Variants in MLST8 observed in about 807,000 individuals in gnomAD.
MLST8 encodes the protein target of rapamycin complex subunit LST8.
In MLST8, 20 loss-of-function variants were observed where a neutral mutation model predicts 41.3. The ratio of observed to expected loss-of-function variants is 0.48; its 90% CI spans 0.34 to 0.70. MLST8 has a LOEUF of 0.70. MLST8 is among the 30% of genes least tolerant of loss of function. The pLI, the probability that MLST8 is intolerant of heterozygous loss-of-function variation, is 0.01. For missense variants in MLST8, 422 were observed against 454.3 expected, an observed-to-expected ratio of 0.93 and a Z score of 0.65; for synonymous variants, 243 against 183.0, an observed-to-expected ratio of 1.33 and a Z score of -2.65.
intron 8 of MLST8, 71 bp downstream of exon 8, chr16:2,208,684 G>A (rs762713197): frequency 6.2e-7 from 1 of 1,612,820 alleles, no homozygotes; most frequent in African/African-American, 1.3e-5. Flanking sequence ...CACCTCGGCT[G>A]CAGCTTCCCC....
At chr16:2,205,651 C>A in intron 1 of MLST8, 139 bp downstream of exon 1, 4 of 985,636 alleles carry the variant, frequency 4.1e-6, no homozygotes, top group South Asian at 4.6e-5. Flanking sequence ...CCAGACTGCG[C>A]CCTTTCCCAT....
intron 1 of MLST8, 145 bp from the exon 2 acceptor site, chr16:2,205,886 T>C: frequency 1.4e-6 from 2 of 1,389,794 alleles, no homozygotes; most frequent in Non-Finnish European, 1.9e-6. Context: ...GTATCACGCG[T>C]GTGACGCGTG....
chr16:2,209,187 G>A lies in MLST8; in HGVS notation c.*310G>A. 1.5e-6 allele frequency: 1 copy of A among 688,114 alleles called. No homozygotes were observed. The highest frequency in any genetic ancestry group is 2.4e-6 in the Non-Finnish European group (1 of 414,044). The allele number at this position is 688,114 out of a possible 1,614,324, so 42.6% of individuals were successfully genotyped here. On this transcript the variant is annotated 3_prime_UTR_variant, in exon 9 of 9. Transcript: ENST00000569417. Reference sequence around the variant, plus strand: ...GAGGCTGGTGCCCACCCCCAAGCTAGTGTGTTCTCTGCCCCTCCCTGCCCG... The same window carrying A: ...GAGGCTGGTGCCCACCCCCAAGCTAATGTGTTCTCTGCCCCTCCCTGCCCG...
At position 2,208,600 on chromosome 16, in the gene MLST8, G is replaced by A. The variant is rs1454842564; in HGVS notation, c.849G>A (p.Gln283=). Residue 283 remains glutamine, a synonymous_variant, in exon 8 of 9, where the codon CAG becomes CAA. Transcript: ENST00000569417. ...MWGCAFSGDS[Q]YIVTASSDNL... ...GCTGCGCCTTCTCGGGGGACTCCCAGTACATCGTCACTGGTGAGCCCCGCC... is the reference window on the plus strand; with the variant it reads ...GCTGCGCCTTCTCGGGGGACTCCCAATACATCGTCACTGGTGAGCCCCGCC... 1.2e-6 allele frequency: 2 copies of A among 1,612,326 alleles called. No homozygotes were observed. The highest frequency in any genetic ancestry group is 1.3e-5 in the African/African-American group (1 of 74,910).
Position 2,206,488 on chromosome 16 carries a change from T to TGTCC in MLST8, c.182-8_182-5dup. 6.2e-7 allele frequency: 1 copy of TGTCC among 1,611,076 alleles called. No homozygotes were observed. The highest frequency in any genetic ancestry group is 8.5e-7 in the Non-Finnish European group (1 of 1,177,396). Reference sequence around the variant, plus strand: ...CACAGCCAAGCTTCAGTTCAGCCTGTGTCCCTAGGTTACCAGCACATCCGC... The same window carrying TGTCC: ...CACAGCCAAGCTTCAGTTCAGCCTGTGTCCGTCCCTAGGTTACCAGCACATCCGC... On this transcript the variant is annotated splice_polypyrimidine_tract_variant and intron_variant, in intron 3 of 8. Coordinates refer to ENST00000569417, the MANE Select transcript of MLST8 (RefSeq NM_022372.6).
intron 6 of MLST8, 198 bp downstream of exon 6, chr16:2,207,543 C>T (rs2093317384): frequency 9.6e-6 from 6 of 624,342 alleles, no homozygotes; most frequent in East Asian, 2.8e-5. Context: ...AGGTCGGTCA[C>T]TCCGCTTTCT....
intron 8 of MLST8, 35 bp from the exon 9 acceptor site, chr16:2,208,724 C>T: frequency 6.2e-7 from 1 of 1,613,714 alleles, no homozygotes; most frequent in Non-Finnish European, 8.5e-7. Flanking sequence ...TGGCCTGCAC[C>T]TGCGCTCTTA....
rs765414917 is a variant in MLST8 at position 2,208,317 on chromosome 16, C to T, written c.681C>T (p.Arg227=). ...ACACGCGCTACGCCCTGCAGTGTCG[C>T]TTCAGCCCCGACTCCACGTGCGTGC... is the stretch of plus-strand genomic sequence containing the variant. The part of the protein sequence containing the change: ...PAHTRYALQC[R]FSPDSTLLAT... Residue 227 remains arginine (R), a synonymous_variant, in exon 7 of 9, where the codon CGC becomes CGT. Coordinates refer to ENST00000569417, the MANE Select transcript of MLST8 (RefSeq NM_022372.6). The T allele has an allele frequency of 5.4e-5, 87 of 1,608,070 alleles. No individual in the cohort carries two copies. The East Asian group carries it at 1.9e-3, about 35-fold the overall frequency.
At position 2,206,055 on chromosome 16, in the gene MLST8, G is replaced by A; in HGVS notation, c.-31G>A. The A allele has an allele frequency of 6.4e-7, 1 of 1,552,344 alleles. No individual in the cohort carries two copies. Among genetic ancestry groups the A allele is most frequent in the Admixed American group, 2.0e-5 (1 of 50,696 alleles). On this transcript the variant is annotated 5_prime_UTR_variant, in exon 2 of 9. Transcript: ENST00000569417. ...GATGCTCTGACCTTTGACCCCTGCC[G>A]TTCAGCTCTAGGGCCCGTGCAGGCC...
rs2093324214 is a variant in MLST8, at chr16:2,207,796, G to A, written c.574-414G>A. On this transcript the variant is annotated intron_variant, in intron 6 of 8. Coordinates refer to ENST00000569417, the MANE Select transcript of MLST8 (RefSeq NM_022372.6). Reference sequence around the variant, plus strand: ...GCTGGCCTCGCCCGTAGGCTGCTGTGGCGTGGCCCCTGCTCTTCTCTCCAG... The same window carrying A: ...GCTGGCCTCGCCCGTAGGCTGCTGTAGCGTGGCCCCTGCTCTTCTCTCCAG... 1.8e-5 allele frequency: 4 copies of A among 227,984 alleles called. No homozygotes were observed. The South Asian group carries it at 3.3e-4, about 19-fold the overall frequency. The allele number at this position is 227,984 out of a possible 1,614,324, so 14.1% of individuals were successfully genotyped here.
In MLST8 at chr16:2,209,396, C is replaced by CAG; in HGVS notation, c.*521_*522dup. 6.2e-7 allele frequency: 1 copy of CAG among 1,613,810 alleles called. No individual in the cohort carries two copies. Among genetic ancestry groups the CAG allele is most frequent in the Non-Finnish European group, 8.5e-7 (1 of 1,179,966 alleles). On this transcript the variant is annotated 3_prime_UTR_variant, in exon 9 of 9. Transcript: ENST00000569417. ...GAGGTAATAAAAGCAGACCGACACG[C>CAG]AGATGTTGCTCGGGAAGCAGATGTC... is the stretch of plus-strand genomic sequence containing the variant.
chr16:2,207,031 GCA>G lies in MLST8; in HGVS notation c.345-3_345-2del. Reference sequence around the variant, plus strand: ...GACAGCATGTGCCCCGGCCCGGCCCGCAGGTCCCGGAACCTGCAGTGCCAGCG... The same window carrying G: ...GACAGCATGTGCCCCGGCCCGGCCCGGGTCCCGGAACCTGCAGTGCCAGCG... On this transcript the variant is annotated splice_acceptor_variant and splice_polypyrimidine_tract_variant and intron_variant, in intron 4 of 8. Transcript: ENST00000569417. LOFTEE classifies it high-confidence loss of function. The G allele has an allele frequency of 6.2e-7, 1 of 1,612,984 alleles. No individual in the cohort carries two copies. Among genetic ancestry groups the G allele is most frequent in the Non-Finnish European group, 8.5e-7 (1 of 1,179,900 alleles).
chr16:2,207,356 G>A lies in MLST8; in HGVS notation c.573+11G>A. ...GCTGTCAATAGCACCGTGAGTCCTG[G>A]TGGCAGGTGCTGGGTGCGGGCAGCT... On this transcript the variant is annotated intron_variant, in intron 6 of 8. Transcript: ENST00000569417. The A allele has an allele frequency of 6.2e-7, 1 of 1,612,614 alleles. No homozygotes were observed. Among genetic ancestry groups the A allele is most frequent in the Non-Finnish European group, 8.5e-7 (1 of 1,178,874 alleles).
At chr16:2,207,160 C>T (rs752477490) in intron 5 of MLST8, 33 bp from the exon 6 acceptor site, 1 of 1,613,248 alleles carries the variant, frequency 6.2e-7, no homozygotes, top group Admixed American at 1.7e-5. Flanking sequence ...GAGGGCTGGG[C>T]TTGGGCCCTG....
chr16:2,206,899 A>G, intron 4 of MLST8, 136 bp from the exon 5 acceptor site: 1 of 1,223,172 alleles, frequency 8.2e-7, no homozygotes, highest in South Asian at 1.3e-5. Context: ...GCTGGAGCAG[A>G]GGGCCCTGCG....
At position 2,207,234 on chromosome 16, in the gene MLST8, C is replaced by A; in HGVS notation, c.462C>A (p.Ile154=). The change falls in exon 6 of 9, where the codon ATC becomes ATA. Residue 154 remains isoleucine (I), a synonymous_variant. Coordinates refer to ENST00000569417, the MANE Select transcript of MLST8 (RefSeq NM_022372.6). ...IVGDQSGAIH[I]WDLKTDHNEQ... ...GTGACCAGAGCGGGGCTATCCACAT[C>A]TGGGACTTGAAAACAGACCACAACG... 2 of 1,614,220 alleles carry A rather than the reference C, an allele frequency of 1.2e-6. No individual in the cohort carries two copies. The highest frequency in any genetic ancestry group is 1.7e-6 in the Non-Finnish European group (2 of 1,180,038).
rs377379362 is a variant in MLST8 at position 2,208,486 on chromosome 16, G to A, written c.735G>A (p.Lys245=). Residue 245 remains lysine (K), a synonymous_variant, in exon 8 of 9, where the codon AAG becomes AAA. Coordinates refer to ENST00000569417, the MANE Select transcript of MLST8 (RefSeq NM_022372.6). ...LATCSADQTC[K]IWRTSNFSLM... is the part of the protein sequence containing the mutation. The stretch of plus-strand genomic sequence containing the variant: ...CCTGCTCGGCTGATCAGACGTGCAA[G>A]ATCTGGAGGACGTCCAACTTCTCCC... The A allele has an allele frequency of 1.1e-5, 17 of 1,613,340 alleles. No individual in the cohort carries two copies. Among genetic ancestry groups the A allele is most frequent in the Middle Eastern group, 1.7e-4 (1 of 6,060 alleles).
At position 2,208,935 on chromosome 16, in the gene MLST8, G is replaced by T; in HGVS notation, c.*58G>T. 1 of 1,580,176 alleles carries T rather than the reference G, an allele frequency of 6.3e-7. No homozygotes were observed. On this transcript the variant is annotated 3_prime_UTR_variant, in exon 9 of 9. Transcript: ENST00000569417. ...GGTGGCAGCTGGAGGGACCCATGCA[G>T]CACCCAGGTCAGAGCAGACCCTCCC...
At position 2,208,342 on chromosome 16, in the gene MLST8, C is replaced by T; in HGVS notation, c.698+8C>T. On this transcript the variant is annotated splice_region_variant and intron_variant, in intron 7 of 8. Coordinates refer to ENST00000569417, the MANE Select transcript of MLST8 (RefSeq NM_022372.6). ...CTTCAGCCCCGACTCCACGTGCGTG[C>T]AGGGCCTGCTGGCCCGGGAGGGGAC... 1 of 1,605,730 alleles carries T rather than the reference C, an allele frequency of 6.2e-7. No individual in the cohort carries two copies. The highest frequency in any genetic ancestry group is 8.5e-7 in the Non-Finnish European group (1 of 1,174,526).
Sources: allele counts gnomAD v4.1 joint callset, GRCh38; gene constraint gnomAD v4.1.1; transcripts MANE v1.5; gene names NCBI Gene and HGNC (gene_info 2026-07-23, HGNC 2026-07-21).